Variants in PSMC3IP observed in about 807,000 individuals in gnomAD.
PSMC3IP encodes the protein PSMC3 interacting protein.
Under a neutral mutation model 34.9 loss-of-function variants are expected in PSMC3IP, and 26 were observed. That is an observed-to-expected ratio of 0.74 (90% CI 0.55 to 1.03). PSMC3IP has a LOEUF of 1.03. Ranked by LOEUF, PSMC3IP falls within the 50% of genes least tolerant of loss-of-function variation. The pLI is 0.00. For missense variants in PSMC3IP, 250 were observed against 263.1 expected, an observed-to-expected ratio of 0.95 and a Z score of 0.34; for synonymous variants, 87 against 96.5, an observed-to-expected ratio of 0.90 and a Z score of 0.57.
In PSMC3IP at chr17:42,573,307, T is replaced by C. The variant is rs558607620; in HGVS notation, c.537+4A>G. 1 of 1,614,122 alleles carries C rather than the reference T, an allele frequency of 6.2e-7. No individual in the cohort carries two copies. Among genetic ancestry groups the C allele is most frequent in the African/African-American group, 1.3e-5 (1 of 75,044 alleles). On this transcript the variant is annotated splice_donor_region_variant and intron_variant, in intron 6 of 7. Transcript: ENST00000393795. ...GGCCTGTCTCGGAGCTCCCACACACTTACCATCCTCTTCCTCTTCCTCCAC... is the reference window on the plus strand; with the variant it reads ...GGCCTGTCTCGGAGCTCCCACACACCTACCATCCTCTTCCTCTTCCTCCAC...
chr17:42,572,886 C>CA lies in PSMC3IP; in HGVS notation c.*81dup. The CA allele has an allele frequency of 1.3e-6, 2 of 1,531,458 alleles. No individual in the cohort carries two copies. The highest frequency in any genetic ancestry group is 1.1e-5 in the South Asian group (1 of 88,918). The allele number at this position is 1,531,458 out of a possible 1,614,324, so 94.9% of individuals were successfully genotyped here. ...AAGTAGCAGGAACAACAACAAAAGC[C>CA]AACCAAAAACAAGGTAGCCAGTGCA... On this transcript the variant is annotated 3_prime_UTR_variant, in exon 8 of 8. Transcript: ENST00000393795.
Position 42,573,502 on chromosome 17 carries a change from ATGATTGGTAGC to A in PSMC3IP, c.448_458del (p.Ala150CysfsTer18), listed in dbSNP as rs751249341. ...CCTGCTCTTTCTCTTCTGGAGTCAC[ATGATTGGTAGC>A]TGCTTTAATGTTCTTCAATCTCTCT... On this transcript the variant is annotated frameshift_variant, in exon 5 of 8. Transcript: ENST00000393795. LOFTEE classifies it high-confidence loss of function. 5 of 1,614,106 alleles carry A rather than the reference ATGATTGGTAGC, an allele frequency of 3.1e-6. No homozygotes were observed. The Admixed American group carries it at 8.3e-5, about 27-fold the overall frequency.
At chr17:42,573,795 A>G in intron 4 of PSMC3IP, 172 bp from the exon 5 acceptor site, 1 of 1,516,290 alleles carries the variant, frequency 6.6e-7, no homozygotes, top group Non-Finnish European at 8.8e-7. Flanking sequence ...TCCATCTACA[A>G]GTGGCGTGGG....
intron 3 of PSMC3IP, chr17:42,576,623 A>T (rs550051208): frequency 5.5e-6 from 1 of 182,098 alleles, no homozygotes; most frequent in East Asian, 1.5e-4. Context: ...GCACAGTAAG[A>T]CCCATCTCTA....
Position 42,572,459 on chromosome 17 carries a change from G to C in PSMC3IP, c.*509C>G, listed in dbSNP as rs1452214394. 2 of 454,544 alleles carry C rather than the reference G, an allele frequency of 4.4e-6. No homozygotes were observed. Among genetic ancestry groups the C allele is most frequent in the East Asian group, 1.4e-4 (2 of 14,534 alleles). The allele number at this position is 454,544 out of a possible 1,614,324, so 28.2% of individuals were successfully genotyped here. A position where few individuals can be genotyped will look rare whatever the true frequency, so the allele number is the denominator to read the frequency against. On this transcript the variant is annotated 3_prime_UTR_variant, in exon 8 of 8. Transcript: ENST00000393795. ...CTCAGTGTTGCCTGCATTTCTCCCA[G>C]GACTTGGGGGTGGGGTGAAAAGCGT... is the stretch of plus-strand genomic sequence containing the variant.
intron 3 of PSMC3IP, chr17:42,576,857 G>A (rs1401312831): frequency 5.7e-6 from 2 of 348,378 alleles, no homozygotes; most frequent in African/African-American, 4.3e-5. Context: ...CCAGCTGGAG[G>A]TCTGGGCTGG....
intron 3 of PSMC3IP, 192 bp from the exon 4 acceptor site, chr17:42,574,402 G>A (rs1310423226): frequency 1.5e-6 from 2 of 1,369,204 alleles, no homozygotes; most frequent in Non-Finnish European, 1.9e-6. Context: ...CACTAAAAAG[G>A]TAGGAAAGAA....
At chr17:42,574,568 AATAG>A (rs1288021102) in intron 3 of PSMC3IP, among the ~76,000 whole-genome samples, 2 of 152,184 alleles carry the variant, frequency 1.3e-5, no homozygotes, top group African/African-American at 2.4e-5. Context: ...GGGTTTCCAT[AATAG>A]ATAGAAACTG....
upstream of PSMC3IP, chr17:42,577,801 C>T (rs191843707): frequency 3.8e-3 from 4,935 of 1,311,974 alleles, 14 homozygotes; most frequent in Non-Finnish European, 4.5e-3. Context: ...GGAAGCCTTC[C>T]GGAGGAGCAA....
At chr17:42,574,315 C>T (rs753815322) in intron 3 of PSMC3IP, 105 bp from the exon 4 acceptor site, 13 of 1,542,010 alleles carry the variant, frequency 8.4e-6, no homozygotes, top group Non-Finnish European at 1.1e-5. Context: ...ACCAGCCACA[C>T]CCCAAAGTCT....
rs751180049 is a variant in PSMC3IP, at chr17:42,577,712, A to C, written c.-26T>G. On this transcript the variant is annotated 5_prime_UTR_variant, in exon 1 of 8. Coordinates refer to ENST00000393795, the MANE Select transcript of PSMC3IP (RefSeq NM_016556.4). ...CGCCTTTCCCGCCACCCAACTCAGA[A>C]AGCCGGACGTTGTAGTTGCTCGGGG... The C allele has an allele frequency of 3.7e-6, 6 of 1,613,732 alleles. No homozygotes were observed. Among genetic ancestry groups the C allele is most frequent in the African/African-American group, 1.3e-5 (1 of 75,004 alleles).
intron 4 of PSMC3IP, 49 bp downstream of exon 4, chr17:42,574,050 A>G: frequency 6.2e-7 from 1 of 1,609,920 alleles, no homozygotes; most frequent in South Asian, 1.1e-5. Context: ...CCTGACCTCT[A>G]GAATGAACCT....
rs2093080943 is a variant in PSMC3IP, at chr17:42,577,204, TCTC to T, written c.225+6_225+8del. On this transcript the variant is annotated splice_donor_region_variant and intron_variant, in intron 3 of 7. Transcript: ENST00000393795. ...CTCATGGGTGACAATCGGCGCAAGT[TCTC>T]CTCACCTGATCCGCAAAATAGATCT... The T allele has an allele frequency of 6.2e-7, 1 of 1,613,758 alleles. No individual in the cohort carries two copies. The highest frequency in any genetic ancestry group is 8.5e-7 in the Non-Finnish European group (1 of 1,179,966).
intron 3 of PSMC3IP, 58 bp downstream of exon 3, chr17:42,577,155 A>G: frequency 6.2e-7 from 1 of 1,612,526 alleles, no homozygotes; most frequent in Non-Finnish European, 8.5e-7. Flanking sequence ...TCACACCAGG[A>G]GTAGATTCAC....
chr17:42,573,063 G>T, intron 7 of PSMC3IP, 39 bp from the exon 8 acceptor site: 1 of 1,614,132 alleles, frequency 6.2e-7, no homozygotes, highest in South Asian at 1.1e-5. Context: ...ATGTCACCAG[G>T]ATAAGACCAC....
intron 3 of PSMC3IP, among the ~76,000 whole-genome samples, chr17:42,574,721 CCCTCCCTTTCCCTCTCTCTTTCTCTCTCT>C (rs1383992095): frequency 2.4e-4 from 5 of 20,452 alleles, no homozygotes; most frequent in South Asian, 0.015. Context: ...CCCTCCTTCC[CCCTCCCTTTCCCTCTCTCTTTCTCTCTCT>C]TTCTCCCTCC....
intron 3 of PSMC3IP, chr17:42,576,976 C>G (rs2093079295): frequency 1.1e-6 from 1 of 930,762 alleles, no homozygotes. Context: ...AGCTTTGGAG[C>G]GGAAATGGAT....
intron 1 of PSMC3IP, 39 bp from the exon 2 acceptor site, chr17:42,577,600 A>G (rs202203121): frequency 2.5e-6 from 4 of 1,613,540 alleles, no homozygotes; most frequent in Non-Finnish European, 3.4e-6. Flanking sequence ...CACTCAACCG[A>G]CCTCCTCACC....
At chr17:42,574,251 G>A (rs769760406) in intron 3 of PSMC3IP, 41 bp from the exon 4 acceptor site, 24 of 1,597,692 alleles carry the variant, frequency 1.5e-5, no homozygotes, top group African/African-American at 5.4e-5. Context: ...ACTGTTGTGA[G>A]GCACAAAGAT....
Sources: gnomAD v4.1 joint callset for allele counts (sites outside exome capture counted in the v4.1 genomes callset) on GRCh38, gnomAD v4.1.1 for gene constraint, MANE v1.5 for transcripts, NCBI Gene and HGNC (gene_info 2026-07-23, HGNC 2026-07-21) for gene names.